The following GLIS3 variants were observed in gnomAD, a reference collection of about 807,000 sequenced individuals.
GLIS3 encodes zinc finger protein GLIS3.
A neutral mutation model predicts 78.6 loss-of-function variants in GLIS3; 53 were observed. That is an observed-to-expected ratio of 0.67 (90% CI 0.54 to 0.85). The LOEUF (loss-of-function observed/expected upper bound fraction) is 0.85, where lower values mean the gene tolerates loss of function less well. Among genes scored for constraint, GLIS3 ranks in the 40% least tolerant of loss-of-function variants. The pLI is 0.00. For missense variants in GLIS3, 1,703 were observed against 1,231.1 expected, an observed-to-expected ratio of 1.38 and a Z score of -5.74; for synonymous variants, 684 against 509.9, an observed-to-expected ratio of 1.34 and a Z score of -4.60.
chr9:4,286,466 C>G lies in GLIS3; in HGVS notation c.-41G>C. ...GCCAAGACGGTCAAATATCCAATGT[C>G]ACTAATGACTCCTTTCAGGCAAAGT... On this transcript the variant is annotated 5_prime_UTR_variant, in exon 2 of 11. Coordinates refer to ENST00000381971, the MANE Select transcript of GLIS3 (RefSeq NM_001042413.2). 3 of 1,610,434 alleles carry G rather than the reference C, an allele frequency of 1.9e-6. No individual in the cohort carries two copies. Among genetic ancestry groups the G allele is most frequent in the African/African-American group, 1.3e-5 (1 of 75,042 alleles).
the GLIS3 span, among the ~76,000 whole-genome samples, chr9:4,437,119 T>C: frequency 6.6e-6 from 1 of 152,122 alleles, no homozygotes; most frequent in African/African-American, 2.4e-5. Flanking sequence ...GAGGAGACAG[T>C]GGCAGTGTGA....
chr9:4,250,249 T>A (rs572288802), intron 2 of GLIS3, among the ~76,000 whole-genome samples: 2 of 152,336 alleles, frequency 1.3e-5, no homozygotes, highest in East Asian at 1.9e-4. Context: ...CATCTGGTCC[T>A]GGGCTTTTTT....
At chr9:3,993,388 G>A (rs1588412403) in intron 4 of GLIS3, among the ~76,000 whole-genome samples, 1 of 152,072 alleles carries the variant, frequency 6.6e-6, no homozygotes, top group Non-Finnish European at 1.5e-5. Context: ...AATATTAGTA[G>A]TATTTTATGA....
the GLIS3 span, among the ~76,000 whole-genome samples, chr9:4,370,942 C>T: frequency 1.6e-4 from 24 of 152,042 alleles, no homozygotes; most frequent in African/African-American, 5.3e-4. Flanking sequence ...TAAAAGACTC[C>T]TATTTTTGTA....
intron 1 of GLIS3, among the ~76,000 whole-genome samples, chr9:4,289,319 T>C (rs1238127143): frequency 6.6e-6 from 1 of 152,058 alleles, no homozygotes; most frequent in Non-Finnish European, 1.5e-5. Flanking sequence ...CAAGAATAAA[T>C]ATGTAGATTT....
intron 4 of GLIS3, among the ~76,000 whole-genome samples, chr9:4,022,654 G>C (rs1009836519): frequency 6.6e-6 from 1 of 152,076 alleles, no homozygotes; most frequent in Non-Finnish European, 1.5e-5. Flanking sequence ...ATTCACAATA[G>C]TCAAAAACTG....
At chr9:3,835,427 G>A (rs756463001) in intron 9 of GLIS3, among the ~76,000 whole-genome samples, 1 of 152,198 alleles carries the variant, frequency 6.6e-6, no homozygotes, top group Admixed American at 6.5e-5. Flanking sequence ...TGGAAATAAT[G>A]CTGGGTGTTC....
At chr9:4,324,186 T>C (rs887329277) in intron 2 of GLIS3, among the ~76,000 whole-genome samples, 7 of 152,196 alleles carry the variant, frequency 4.6e-5, no homozygotes, top group Non-Finnish European at 7.4e-5. Flanking sequence ...TCCCATCACT[T>C]TATCTTTATT....
At chr9:4,015,485 A>G (rs901037003) in intron 4 of GLIS3, among the ~76,000 whole-genome samples, 1 of 152,232 alleles carries the variant, frequency 6.6e-6, no homozygotes, top group African/African-American at 2.4e-5. Context: ...ATAACATGCT[A>G]TCTGAAAACT....
At chr9:3,851,992 A>G (rs1419272293) in intron 9 of GLIS3, among the ~76,000 whole-genome samples, 2 of 152,240 alleles carry the variant, frequency 1.3e-5, no homozygotes, top group Non-Finnish European at 1.5e-5. Context: ...GAAATACAAA[A>G]AAATTAGCTG....
the GLIS3 span, among the ~76,000 whole-genome samples, chr9:4,360,950 C>G: frequency 6.6e-6 from 1 of 152,214 alleles, no homozygotes; most frequent in African/African-American, 2.4e-5. Context: ...TAGCCAGCCT[C>G]CAAATAGCCT....
chr9:4,314,157 T>C (rs1182968288), intron 2 of GLIS3, among the ~76,000 whole-genome samples: 3 of 152,232 alleles, frequency 2.0e-5, no homozygotes, highest in African/African-American at 7.2e-5. Context: ...TCTCATAGGA[T>C]GGTCATGAGG....
the GLIS3 span, among the ~76,000 whole-genome samples, chr9:4,395,450 C>T: frequency 3.9e-5 from 6 of 152,156 alleles, no homozygotes; most frequent in African/African-American, 1.2e-4. Flanking sequence ...CTCCAGTAGG[C>T]AGCCTGAGAT....
chr9:4,405,683 G>A, the GLIS3 span, among the ~76,000 whole-genome samples: 9 of 151,196 alleles, frequency 6.0e-5, no homozygotes, highest in African/African-American at 2.2e-4. Flanking sequence ...AAACTGTTCT[G>A]AAAAATAGAG....
intron 9 of GLIS3, among the ~76,000 whole-genome samples, chr9:3,830,548 C>T (rs1047250799): frequency 4.6e-5 from 7 of 152,110 alleles, no homozygotes; most frequent in Admixed American, 1.3e-4. Flanking sequence ...CCATCTCTAA[C>T]GTTTTAAAGC....
intron 2 of GLIS3, among the ~76,000 whole-genome samples, chr9:4,330,978 C>A (rs1377476452): frequency 6.6e-6 from 1 of 152,204 alleles, no homozygotes; most frequent in Non-Finnish European, 1.5e-5. Flanking sequence ...CCTTTACTGG[C>A]AGCTACATGC....
At chr9:3,963,597 A>C (rs1306511943) in intron 4 of GLIS3, among the ~76,000 whole-genome samples, 1 of 152,180 alleles carries the variant, frequency 6.6e-6, no homozygotes, top group Non-Finnish European at 1.5e-5. Flanking sequence ...GAGACCAAAT[A>C]AGAGGAAAAT....
chr9:4,391,366 G>A, the GLIS3 span, among the ~76,000 whole-genome samples: 1 of 152,188 alleles, frequency 6.6e-6, no homozygotes, highest in South Asian at 2.1e-4. Context: ...TATATAGGGG[G>A]TGTGTTCTCT....
chr9:4,483,954 C>T, the GLIS3 span, among the ~76,000 whole-genome samples: 2 of 152,182 alleles, frequency 1.3e-5, no homozygotes, highest in African/African-American at 4.8e-5. Flanking sequence ...CACTGAGATA[C>T]TGAGAGGACC....
Sources: gnomAD v4.1 joint callset for allele counts (sites outside exome capture counted in the v4.1 genomes callset) on GRCh38, gnomAD v4.1.1 for gene constraint, MANE v1.5 for transcripts, NCBI Gene and HGNC (gene_info 2026-07-23, HGNC 2026-07-21) for gene names.